GABRB2: variants seen among roughly 807,000 people sequenced by gnomAD.
The protein encoded by GABRB2 is gamma-aminobutyric acid type A receptor subunit beta2.
In GABRB2, 16 loss-of-function variants were observed where a neutral mutation model predicts 54.7. The ratio of observed to expected loss-of-function variants is 0.29; its 90% CI spans 0.20 to 0.44. The LOEUF (loss-of-function observed/expected upper bound fraction) is 0.44. Among genes scored for constraint, GABRB2 ranks in the 20% least tolerant of loss-of-function variants. GABRB2 has a pLI of 1.00. For synonymous variants in GABRB2, 244 were observed against 233.8 expected, an observed-to-expected ratio of 1.04 and a Z score of -0.40; for missense variants, 355 against 644.0, an observed-to-expected ratio of 0.55 and a Z score of 4.86.
At chr5:161,504,083 CAG>C (rs1287777871) in intron 3 of GABRB2, among the ~76,000 whole-genome samples, 2 of 151,948 alleles carry the variant, frequency 1.3e-5, no homozygotes, top group Admixed American at 6.6e-5. Flanking sequence ...AAGGGAAAAA[CAG>C]AGAAAAATCC....
chr5:161,368,058 T>G (rs2910295), intron 5 of GABRB2, among the ~76,000 whole-genome samples: 99,509 of 151,282 alleles, frequency 0.66, 33,820 homozygotes, highest in South Asian at 0.76. Flanking sequence ...ACCCCCAAAA[T>G]TGGGATCTTG....
intron 4 of GABRB2, among the ~76,000 whole-genome samples, chr5:161,413,983 CA>C (rs1272704263): frequency 6.6e-6 from 1 of 152,142 alleles, no homozygotes; most frequent in Admixed American, 6.6e-5. Context: ...ACTGCAGGAG[CA>C]ATGAGTTCTA....
At chr5:161,392,339 G>C (rs1755851376) in intron 5 of GABRB2, among the ~76,000 whole-genome samples, 1 of 152,140 alleles carries the variant, frequency 6.6e-6, no homozygotes, top group Non-Finnish European at 1.5e-5. Context: ...TGATCAAATA[G>C]CTAAGTAAAC....
At chr5:161,360,848 A>G (rs1754787810) in intron 5 of GABRB2, among the ~76,000 whole-genome samples, 1 of 152,044 alleles carries the variant, frequency 6.6e-6, no homozygotes, top group Non-Finnish European at 1.5e-5. Context: ...CAAACCCAAA[A>G]CATAACAATA....
chr5:161,533,972 G>A (rs553483129), intron 3 of GABRB2, among the ~76,000 whole-genome samples: 1 of 152,024 alleles, frequency 6.6e-6, no homozygotes, highest in South Asian at 2.1e-4. Context: ...GAAGTGATAG[G>A]GATATAGATA....
chr5:161,335,701 T>C (rs1394292233), intron 6 of GABRB2, among the ~76,000 whole-genome samples: 6 of 152,146 alleles, frequency 3.9e-5, no homozygotes, highest in African/African-American at 1.2e-4. Context: ...CTGAATACGA[T>C]AGTAAGAATA....
At chr5:161,357,898 C>A (rs1754685244) in intron 5 of GABRB2, among the ~76,000 whole-genome samples, 1 of 152,046 alleles carries the variant, frequency 6.6e-6, no homozygotes, top group African/African-American at 2.4e-5. Context: ...AGAAAGGACA[C>A]AGGAGTAAAG....
At chr5:161,305,007 T>G (rs1252777061) in intron 9 of GABRB2, among the ~76,000 whole-genome samples, 5 of 133,706 alleles carry the variant, frequency 3.7e-5, no homozygotes, top group African/African-American at 1.5e-4. Flanking sequence ...ATCAATTTTT[T>G]TTTTTTTTTT....
intron 7 of GABRB2, among the ~76,000 whole-genome samples, chr5:161,332,165 CAAA>C (rs5872708): frequency 1.4e-5 from 1 of 69,448 alleles, no homozygotes. Context: ...GACTCCGTCT[CAAA>C]AAAAAAAAAA....
intron 4 of GABRB2, chr5:161,459,344 A>T (rs1229801110): frequency 2.3e-6 from 1 of 430,848 alleles, no homozygotes; most frequent in Non-Finnish European, 4.3e-6. Flanking sequence ...CCTATGTCTC[A>T]GCTATTTTGA....
intron 5 of GABRB2, among the ~76,000 whole-genome samples, chr5:161,385,156 A>C (rs1466017031): frequency 6.6e-6 from 1 of 152,144 alleles, no homozygotes; most frequent in East Asian, 1.9e-4. Flanking sequence ...TTTTAAACTA[A>C]GAGGCTCCAT....
At chr5:161,478,071 A>T (rs762456959) in intron 3 of GABRB2, among the ~76,000 whole-genome samples, 2 of 152,052 alleles carry the variant, frequency 1.3e-5, no homozygotes, top group African/African-American at 2.4e-5. Context: ...TGTTTTTAAA[A>T]AATATAAGAA....
At chr5:161,521,580 T>C (rs188824885) in intron 3 of GABRB2, among the ~76,000 whole-genome samples, 9 of 152,082 alleles carry the variant, frequency 5.9e-5, no homozygotes, top group African/African-American at 2.2e-4. Context: ...GAAAATCAAA[T>C]GATGTGGATC....
intron 4 of GABRB2, among the ~76,000 whole-genome samples, chr5:161,414,327 A>T (rs1183608161): frequency 6.6e-6 from 1 of 152,190 alleles, no homozygotes. Flanking sequence ...ATATAACAAA[A>T]GTAGGAATGT....
chr5:161,466,862 T>A (rs1333383526), intron 3 of GABRB2, among the ~76,000 whole-genome samples: 5 of 152,082 alleles, frequency 3.3e-5, no homozygotes, highest in African/African-American at 1.2e-4. Context: ...TCTATGGAGT[T>A]TTTCCTCTTT....
intron 9 of GABRB2, among the ~76,000 whole-genome samples, chr5:161,313,427 T>C (rs1757934693): frequency 6.6e-6 from 1 of 151,952 alleles, no homozygotes; most frequent in Admixed American, 6.5e-5. Flanking sequence ...TTCCTCAACA[T>C]GCATCTGAAG....
chr5:161,308,108 G>T (rs57361449), intron 9 of GABRB2, among the ~76,000 whole-genome samples: 2 of 151,924 alleles, frequency 1.3e-5, no homozygotes, highest in Admixed American at 6.6e-5. Flanking sequence ...TGATCTGCCC[G>T]CCTCGGCCTC....
At chr5:161,487,632 T>G (rs2113344270) in intron 3 of GABRB2, among the ~76,000 whole-genome samples, 1 of 152,058 alleles carries the variant, frequency 6.6e-6, no homozygotes, top group South Asian at 2.1e-4. Context: ...TTCATTTGTA[T>G]GAATTTGGCC....
chr5:161,378,496 G>T (rs1221427527), intron 5 of GABRB2, among the ~76,000 whole-genome samples: 1 of 152,062 alleles, frequency 6.6e-6, no homozygotes, highest in Non-Finnish European at 1.5e-5. Flanking sequence ...CAGTTTATGT[G>T]TTTTTTGTTT....
Sources: allele counts gnomAD v4.1 joint callset (sites outside exome capture counted in the v4.1 genomes callset), GRCh38; gene constraint gnomAD v4.1.1; transcripts MANE v1.5; gene names NCBI Gene and HGNC (gene_info 2026-07-23, HGNC 2026-07-21).